The following ZFAND4 variants were observed in gnomAD, a reference collection of about 807,000 sequenced individuals.
ZFAND4 encodes AN1-type zinc finger protein 4.
ZFAND4 carries 43 observed loss-of-function variants against 64.4 expected under a neutral mutation model. The ratio of observed to expected loss-of-function variants is 0.67; its 90% CI spans 0.52 to 0.86. The LOEUF (loss-of-function observed/expected upper bound fraction) is 0.86, where lower values mean the gene tolerates loss of function less well. ZFAND4 is among the 40% of genes least tolerant of loss of function. The pLI, the probability that ZFAND4 is intolerant of heterozygous loss-of-function variation, is 0.00. For synonymous variants in ZFAND4, 296 were observed against 305.7 expected (o/e 0.97, Z 0.33); for missense variants, 929 against 859.8 (o/e 1.08, Z -1.01).
intron 2 of ZFAND4, among the ~76,000 whole-genome samples, chr10:45,655,116 C>A (rs2048018634): frequency 6.6e-6 from 1 of 151,506 alleles, no homozygotes; most frequent in African/African-American, 2.4e-5. Context: ...AAAAAAGTCT[C>A]AAAAATTTTT....
chr10:45,652,870 G>A (rs1464701698), intron 3 of ZFAND4, 114 bp downstream of exon 3: 4 of 732,706 alleles, frequency 5.5e-6, no homozygotes, highest in Admixed American at 2.8e-5. Context: ...ATCTAGGAAT[G>A]TGAACTATTC....
chr10:45,668,883 G>A, intron 1 of ZFAND4, among the ~76,000 whole-genome samples: 1 of 152,106 alleles, frequency 6.6e-6, no homozygotes, highest in Non-Finnish European at 1.5e-5. Context: ...AGAATCTCTG[G>A]GACACATTTA....
intron 1 of ZFAND4, among the ~76,000 whole-genome samples, chr10:45,664,948 A>C (rs1199071784): frequency 2.6e-5 from 4 of 151,806 alleles, no homozygotes; most frequent in African/African-American, 9.7e-5. Context: ...AAAAAAAAGT[A>C]GTACTCACTA....
chr10:45,661,555 A>G (rs1350757456), intron 2 of ZFAND4, among the ~76,000 whole-genome samples: 3 of 152,206 alleles, frequency 2.0e-5, no homozygotes, highest in Non-Finnish European at 4.4e-5. Flanking sequence ...TCCGTATTCC[A>G]TATCCCTCTA....
In ZFAND4 at chr10:45,657,171, G is replaced by A. The variant is rs189604817; in HGVS notation, c.185-4112C>T. ...TGGGACTACAGGCGCATGCCACCACGCCCAGAAAAAATTTTTGTATTTTTA... is the reference window on the plus strand; with the variant it reads ...TGGGACTACAGGCGCATGCCACCACACCCAGAAAAAATTTTTGTATTTTTA... On this transcript the variant is annotated intron_variant, in intron 2 of 9. Coordinates refer to ENST00000344646, the MANE Select transcript of ZFAND4 (RefSeq NM_174890.4). Among the ~76,000 whole-genome samples, 346 of 152,002 alleles carry A rather than the reference G, an allele frequency of 2.3e-3. 2 individuals are homozygous for A. Among genetic ancestry groups the A allele is most frequent in the African/African-American group, 7.9e-3 (329 of 41,464 alleles).
chr10:45,665,086 G>A (rs2048729843), intron 1 of ZFAND4, among the ~76,000 whole-genome samples: 1 of 152,182 alleles, frequency 6.6e-6, no homozygotes. Flanking sequence ...CCAACAAATA[G>A]AAGTAGTAAA....
At chr10:45,645,906 C>T (rs2047345923) in intron 5 of ZFAND4, among the ~76,000 whole-genome samples, 1 of 151,942 alleles carries the variant, frequency 6.6e-6, no homozygotes, top group Admixed American at 6.6e-5. Flanking sequence ...TTTATAAACG[C>T]CTTAAAAATG....
intron 6 of ZFAND4, among the ~76,000 whole-genome samples, chr10:45,627,997 C>T (rs184733359): frequency 6.6e-6 from 1 of 152,304 alleles, no homozygotes; most frequent in Admixed American, 6.5e-5. Flanking sequence ...CCCTGTGAAT[C>T]TTCCTAGCAA....
intron 8 of ZFAND4, among the ~76,000 whole-genome samples, chr10:45,621,278 T>C (rs1226191452): frequency 6.6e-6 from 1 of 152,122 alleles, no homozygotes; most frequent in Non-Finnish European, 1.5e-5. Context: ...TAGACTCTTC[T>C]AGATAATTCA....
Position 45,663,689 on chromosome 10 carries a change from C to T in ZFAND4, c.37G>A (p.Asp13Asn). The T allele has an allele frequency of 6.2e-7, 1 of 1,604,926 alleles. No homozygotes were observed. Among genetic ancestry groups the T allele is most frequent in the South Asian group, 1.1e-5 (1 of 87,866 alleles). ...NRKEPPFFND[D>N]NMGPFYYRLH... ...CTGTAGTAAAATGGTCCCATGTTAT[C>T]ATCATTGAAGAATGGAGGCTCTTTT... The change falls in exon 2 of 10, where the codon GAT becomes AAT. Residue 13 changes from aspartate to asparagine, a missense_variant. Physicochemically the swap from Asp to Asn is conservative, Grantham distance 23. Transcript: ENST00000344646.
At chr10:45,630,154 T>G (rs916499218) in intron 6 of ZFAND4, among the ~76,000 whole-genome samples, 3 of 152,094 alleles carry the variant, frequency 2.0e-5, no homozygotes, top group African/African-American at 4.8e-5. Context: ...TTTTAGCTAA[T>G]GAAAATCCTC....
intron 1 of ZFAND4, among the ~76,000 whole-genome samples, chr10:45,665,054 C>CT (rs2048726798): frequency 6.6e-6 from 1 of 152,150 alleles, no homozygotes; most frequent in African/African-American, 2.4e-5. Flanking sequence ...CATACAATGG[C>CT]TAATAAGTAT....
chr10:45,661,872 G>A (rs915811032), intron 2 of ZFAND4, among the ~76,000 whole-genome samples: 7 of 151,854 alleles, frequency 4.6e-5, no homozygotes, highest in South Asian at 2.1e-4. Context: ...CCCAGGAGGC[G>A]GAGGTTGTGG....
intron 5 of ZFAND4, among the ~76,000 whole-genome samples, chr10:45,646,655 T>C (rs898099825): frequency 7.2e-5 from 11 of 152,038 alleles, no homozygotes; most frequent in Admixed American, 2.0e-4. Flanking sequence ...CACAGCATAA[T>C]GAGAAGACCT....
intron 5 of ZFAND4, among the ~76,000 whole-genome samples, chr10:45,643,239 G>T (rs1384386157): frequency 6.6e-6 from 1 of 151,484 alleles, no homozygotes; most frequent in African/African-American, 2.4e-5. Flanking sequence ...TTGATTTAAT[G>T]ATATGATTAA....
At chr10:45,650,501 G>A (rs1021174774) in intron 4 of ZFAND4, 1 of 149,946 alleles carries the variant, frequency 6.7e-6, no homozygotes, top group African/African-American at 2.5e-5. Context: ...GACAGAGCAA[G>A]ACTCCGTCTC....
chr10:45,648,165 A>T (rs779663211), intron 5 of ZFAND4, 129 bp downstream of exon 5: 5 of 916,912 alleles, frequency 5.5e-6, no homozygotes, highest in Non-Finnish European at 7.6e-6. Context: ...CAGTTTTATC[A>T]TATCAATTAT....
intron 7 of ZFAND4, among the ~76,000 whole-genome samples, chr10:45,625,335 G>C (rs1044743488): frequency 1.2e-4 from 18 of 150,962 alleles, no homozygotes; most frequent in Non-Finnish European, 1.5e-5. Flanking sequence ...TTAGCCAGGC[G>C]TGGTGGTAGG....
intron 8 of ZFAND4, among the ~76,000 whole-genome samples, chr10:45,621,864 G>C (rs2045453177): frequency 6.6e-6 from 1 of 151,968 alleles, no homozygotes; most frequent in Non-Finnish European, 1.5e-5. Flanking sequence ...CAAGAATGAA[G>C]GACACAAAAA....
Sources: allele counts gnomAD v4.1 joint callset (sites outside exome capture counted in the v4.1 genomes callset), GRCh38; gene constraint gnomAD v4.1.1; transcripts MANE v1.5; gene names NCBI Gene and HGNC (gene_info 2026-07-23, HGNC 2026-07-21).